Variants in RIPOR3 observed in about 807,000 individuals in gnomAD.
RIPOR3 encodes the protein RIPOR family member 3.
Under a neutral mutation model 114.3 loss-of-function variants are expected in RIPOR3, and 95 were observed. That is an observed-to-expected ratio of 0.83 (90% CI 0.70 to 0.99). The LOEUF is 0.99. Ranked by LOEUF, RIPOR3 falls within the 50% of genes least tolerant of loss-of-function variation. RIPOR3 has a pLI of 0.00. For synonymous variants in RIPOR3, 575 were observed against 543.8 expected, an observed-to-expected ratio of 1.06 and a Z score of -0.80; for missense variants, 1,252 against 1,266.9, an observed-to-expected ratio of 0.99 and a Z score of 0.18.
Position 50,588,021 on chromosome 20 carries a change from GC to G in RIPOR3, c.2662-130del. ...GCCTCAGCCCCTTCCTTTTCTCCAGGCTTCCAGGTTTTTTAGGTGGCCTCAG... is the reference window on the plus strand; with the variant it reads ...GCCTCAGCCCCTTCCTTTTCTCCAGGTTCCAGGTTTTTTAGGTGGCCTCAG... On this transcript the variant is annotated intron_variant, in intron 20 of 21. Coordinates refer to ENST00000327979, the MANE Select transcript of RIPOR3 (RefSeq NM_001290268.2). 4.8e-6 allele frequency: 4 copies of G among 832,000 alleles called. No homozygotes were observed. The South Asian group carries it at 7.2e-5, about 15-fold the overall frequency. 51.5% of individuals were successfully genotyped at this position (832,000 alleles called of 1,614,324 possible).
intron 1 of RIPOR3, among the ~76,000 whole-genome samples, chr20:50,666,225 T>TCCC (rs1555873461): frequency 2.2e-5 from 3 of 137,250 alleles, no homozygotes; most frequent in African/African-American, 8.7e-5. Context: ...TTCTTTTCTT[T>TCCC]TTTGAGACGG....
intron 1 of RIPOR3, among the ~76,000 whole-genome samples, chr20:50,665,421 C>CATTTTTTT (rs2086152817): frequency 9.3e-6 from 1 of 107,848 alleles, no homozygotes; most frequent in African/African-American, 3.4e-5. Flanking sequence ...CCCCCTCTTC[C>CATTTTTTT]TTTTTTTTTT....
At chr20:50,685,797 G>A (rs1250470869) in intron 1 of RIPOR3, among the ~76,000 whole-genome samples, 19 of 132,484 alleles carry the variant, frequency 1.4e-4, no homozygotes, top group Non-Finnish European at 2.7e-4. Context: ...TCTAGCCTGG[G>A]TGACAGAACG....
intron 1 of RIPOR3, among the ~76,000 whole-genome samples, chr20:50,675,977 T>C (rs1225519423): frequency 6.6e-6 from 1 of 152,190 alleles, no homozygotes; most frequent in East Asian, 1.9e-4. Context: ...GTCTACCTTA[T>C]GTGGGTTTTC....
chr20:50,652,590 C>CAAAAAAAAAAAAAAAAAAA (rs11470456), intron 1 of RIPOR3, among the ~76,000 whole-genome samples: 4 of 87,312 alleles, frequency 4.6e-5, no homozygotes, highest in African/African-American at 1.3e-4. Context: ...GATTCTGTCT[C>CAAAAAAAAAAAAAAAAAAA]AAAAAAAAAA....
chr20:50,609,203 C>A (rs1379105670), intron 8 of RIPOR3, 90 bp downstream of exon 8: 4 of 1,501,182 alleles, frequency 2.7e-6, no homozygotes, highest in East Asian at 2.4e-5. Context: ...GGGCTCAGAC[C>A]CCTGGGATTC....
intron 1 of RIPOR3, among the ~76,000 whole-genome samples, chr20:50,667,549 C>T (rs2086296926): frequency 6.6e-6 from 1 of 152,168 alleles, no homozygotes; most frequent in African/African-American, 2.4e-5. Flanking sequence ...GCCTCGGCCT[C>T]CCAAAGTGCT....
intron 21 of RIPOR3, 134 bp from the exon 22 acceptor site, chr20:50,587,466 T>G: frequency 1.4e-6 from 1 of 720,244 alleles, no homozygotes; most frequent in African/African-American, 1.8e-5. Flanking sequence ...GGAGGGAGTA[T>G]GTGCGGGAGC....
At chr20:50,647,552 G>A (rs1405061541) in intron 1 of RIPOR3, among the ~76,000 whole-genome samples, 3 of 139,698 alleles carry the variant, frequency 2.1e-5, no homozygotes, top group Middle Eastern at 4.1e-3. Context: ...GCGCAATCTC[G>A]GCTCACTGCA....
At chr20:50,597,895 A>G (rs1028066671) in intron 13 of RIPOR3, among the ~76,000 whole-genome samples, 185 bp from the exon 14 acceptor site, 2 of 152,118 alleles carry the variant, frequency 1.3e-5, no homozygotes, top group African/African-American at 2.4e-5. Context: ...TCACCCCCCA[A>G]AGTCCCTCCT....
intron 1 of RIPOR3, among the ~76,000 whole-genome samples, chr20:50,638,832 G>T (rs1462237834): frequency 6.6e-6 from 1 of 152,174 alleles, no homozygotes; most frequent in Non-Finnish European, 1.5e-5. Context: ...GGACAGGCAG[G>T]AGGGACTGAG....
intron 1 of RIPOR3, among the ~76,000 whole-genome samples, chr20:50,652,903 T>C (rs981874576): frequency 2.6e-5 from 4 of 152,164 alleles, no homozygotes; most frequent in Non-Finnish European, 2.9e-5. Context: ...TGGTTAAGTA[T>C]GAAATTAAGC....
intron 1 of RIPOR3, among the ~76,000 whole-genome samples, chr20:50,675,125 C>T (rs556220564): frequency 7.8e-4 from 118 of 152,036 alleles, no homozygotes; most frequent in African/African-American, 2.2e-3. Flanking sequence ...ATGGTGCAGC[C>T]GCAAGCTGAG....
At chr20:50,688,432 T>C (rs1449787888) in intron 1 of RIPOR3, among the ~76,000 whole-genome samples, 1 of 152,216 alleles carries the variant, frequency 6.6e-6, no homozygotes, top group Non-Finnish European at 1.5e-5. Flanking sequence ...TGGAATTACA[T>C]GCATGAGTCA....
At chr20:50,651,461 C>A (rs1340433091) in intron 1 of RIPOR3, among the ~76,000 whole-genome samples, 2 of 152,180 alleles carry the variant, frequency 1.3e-5, no homozygotes, top group Admixed American at 6.5e-5. Context: ...ATTTGTTACA[C>A]AGCAATAGAA....
At chr20:50,682,758 G>T (rs547011955) in intron 1 of RIPOR3, among the ~76,000 whole-genome samples, 17 of 147,248 alleles carry the variant, frequency 1.2e-4, no homozygotes, top group Non-Finnish European at 2.1e-4. Flanking sequence ...ACGGAGTTTC[G>T]CACTCATCGC....
chr20:50,596,401 G>A, intron 14 of RIPOR3, 138 bp from the exon 15 acceptor site: 1 of 1,258,412 alleles, frequency 7.9e-7, no homozygotes, highest in South Asian at 1.4e-5. Flanking sequence ...TGAAGAGGAA[G>A]GGGAAAGGAA....
chr20:50,593,992 C>A (rs987915682), intron 17 of RIPOR3, among the ~76,000 whole-genome samples: 11 of 152,044 alleles, frequency 7.2e-5, no homozygotes, highest in Non-Finnish European at 1.6e-4. Flanking sequence ...CTCTGGCGGC[C>A]GGGCGCAGTG....
intron 2 of RIPOR3, among the ~76,000 whole-genome samples, chr20:50,626,781 G>T (rs964334198): frequency 6.6e-6 from 1 of 152,216 alleles, no homozygotes; most frequent in Non-Finnish European, 1.5e-5. Flanking sequence ...CAGCAGTTTG[G>T]GAGGCCGAGG....
Sources: gnomAD v4.1 joint callset for allele counts (sites outside exome capture counted in the v4.1 genomes callset) on GRCh38, gnomAD v4.1.1 for gene constraint, MANE v1.5 for transcripts, NCBI Gene and HGNC (gene_info 2026-07-23, HGNC 2026-07-21) for gene names.